GIPC2: variants seen among roughly 807,000 people sequenced by gnomAD.
GIPC2 encodes GIPC PDZ domain containing family member 2, also known as PDZ domain-containing protein GIPC2.
In GIPC2, 30 loss-of-function variants were observed where a neutral mutation model predicts 30.6. That is an observed-to-expected ratio of 0.98 (90% CI 0.73 to 1.33). GIPC2 has a LOEUF of 1.33. GIPC2 is among the 40% of genes most tolerant of loss of function. The probability of loss-of-function intolerance (pLI) is 0.00; values close to 1 mark genes in which losing one functional copy is unlikely to be tolerated. For missense variants in GIPC2, 414 were observed against 390.3 expected (o/e 1.06, Z -0.51); for synonymous variants, 167 against 150.0 (o/e 1.11, Z -0.83).
intron 1 of GIPC2, among the ~76,000 whole-genome samples, chr1:78,063,899 CA>C (rs763084989): frequency 0.18 from 11,357 of 63,178 alleles, 555 homozygotes; most frequent in African/African-American, 0.32. Context: ...CTCAAAAAGA[CA>C]AAAAAAAAAA....
rs373015488 is a variant in GIPC2 at position 78,046,114 on chromosome 1, GGAA to G, written c.28_30del (p.Lys10del). On this transcript the variant is annotated inframe_deletion, in exon 1 of 6. Transcript: ENST00000370759. ...TGCAAGATGCCCCTGAAGCTGCGGG[GGAA>G]GAAGAAGGCCAAGTCCAAGGAGACC... 1.7e-4 allele frequency: 249 copies of G among 1,482,868 alleles called. 1 individual carries two copies. The highest frequency in any genetic ancestry group is 1.6e-3 in the African/African-American group (111 of 67,628). 91.9% of individuals were successfully genotyped at this position (1,482,868 alleles called of 1,614,324 possible). A position where few individuals can be genotyped will look rare whatever the true frequency, so the allele number is the denominator to read the frequency against.
At chr1:78,103,334 C>T (rs1662285316) in intron 3 of GIPC2, among the ~76,000 whole-genome samples, 1 of 152,202 alleles carries the variant, frequency 6.6e-6, no homozygotes, top group Non-Finnish European at 1.5e-5. Context: ...CCTATCTTTG[C>T]TGCTTTTAAA....
intron 1 of GIPC2, among the ~76,000 whole-genome samples, chr1:78,062,188 A>G (rs1661406521): frequency 6.6e-6 from 1 of 152,186 alleles, no homozygotes; most frequent in Non-Finnish European, 1.5e-5. Context: ...TATTCTTAAA[A>G]CAGGTTACAT....
intron 5 of GIPC2, among the ~76,000 whole-genome samples, chr1:78,126,968 C>T (rs1477588357): frequency 2.0e-5 from 3 of 152,114 alleles, no homozygotes; most frequent in Non-Finnish European, 4.4e-5. Flanking sequence ...GTGAAAAAGG[C>T]CTGACCCTTC....
chr1:78,102,548 T>TA (rs1397858504), intron 3 of GIPC2, among the ~76,000 whole-genome samples: 7 of 152,358 alleles, frequency 4.6e-5, no homozygotes, highest in Non-Finnish European at 1.0e-4. Context: ...TGAAAAAAGT[T>TA]ACAAAAGAGA....
intron 3 of GIPC2, chr1:78,112,418 A>C: frequency 1.9e-6 from 1 of 518,952 alleles, no homozygotes; most frequent in Non-Finnish European, 3.8e-6. Context: ...CCCTCTGGGC[A>C]TCTTTGGGCT....
intron 3 of GIPC2, among the ~76,000 whole-genome samples, chr1:78,118,476 A>C (rs1662613944): frequency 6.6e-6 from 1 of 151,136 alleles, no homozygotes; most frequent in African/African-American, 2.4e-5. Flanking sequence ...CTTCCCTTTC[A>C]CTCATTTATG....
At chr1:78,126,229 T>C (rs1173464477) in intron 5 of GIPC2, among the ~76,000 whole-genome samples, 2 of 152,182 alleles carry the variant, frequency 1.3e-5, no homozygotes, top group East Asian at 1.9e-4. Context: ...TGTTGTTTGT[T>C]TGGATTTAAA....
At chr1:78,088,916 C>T (rs910433083) in intron 2 of GIPC2, 6 of 151,518 alleles carry the variant, frequency 4.0e-5, no homozygotes, top group African/African-American at 1.5e-4. Flanking sequence ...CATTACTTTT[C>T]CACACTCCTT....
intron 1 of GIPC2, among the ~76,000 whole-genome samples, chr1:78,069,591 A>C (rs1289459392): frequency 6.7e-6 from 1 of 150,092 alleles, no homozygotes; most frequent in African/African-American, 2.5e-5. Flanking sequence ...CTCATACCTC[A>C]GCCTCCTGAG....
intron 2 of GIPC2, among the ~76,000 whole-genome samples, chr1:78,090,263 T>C (rs1026410916): frequency 2.0e-5 from 3 of 152,172 alleles, no homozygotes; most frequent in South Asian, 4.1e-4. Flanking sequence ...GGTGTGGTCT[T>C]GGCTCACTGC....
chr1:78,118,994 CT>C (rs1662627296), intron 3 of GIPC2, among the ~76,000 whole-genome samples: 1 of 147,120 alleles, frequency 6.8e-6, no homozygotes, highest in Admixed American at 6.8e-5. Context: ...TTTTTTGTTT[CT>C]TCTTTTTCTA....
intron 2 of GIPC2, among the ~76,000 whole-genome samples, chr1:78,086,564 C>G (rs183692758): frequency 3.9e-5 from 6 of 152,264 alleles, no homozygotes; most frequent in Non-Finnish European, 7.4e-5. Context: ...GTCTGTGTCT[C>G]TTTGTAGGTC....
At chr1:78,098,489 A>G (rs373317142) in intron 3 of GIPC2, among the ~76,000 whole-genome samples, 33 of 152,286 alleles carry the variant, frequency 2.2e-4, no homozygotes, top group African/African-American at 6.0e-4. Context: ...ATTATTTTTA[A>G]ATTATCTATC....
chr1:78,048,308 C>G (rs999680390), intron 1 of GIPC2, among the ~76,000 whole-genome samples: 1 of 151,986 alleles, frequency 6.6e-6, no homozygotes, highest in Non-Finnish European at 1.5e-5. Context: ...TATTAATATC[C>G]CCACTTCACA....
intron 2 of GIPC2, among the ~76,000 whole-genome samples, chr1:78,086,496 A>G (rs920152347): frequency 6.6e-6 from 1 of 152,054 alleles, no homozygotes; most frequent in African/African-American, 2.4e-5. Flanking sequence ...TTCTACCTCA[A>G]TGATCTGTCT....
intron 4 of GIPC2, among the ~76,000 whole-genome samples, chr1:78,121,362 G>C (rs997941496): frequency 6.6e-6 from 1 of 152,154 alleles, no homozygotes; most frequent in Non-Finnish European, 1.5e-5. Flanking sequence ...GGGTCTCTCT[G>C]TATGTGAATG....
intron 3 of GIPC2, among the ~76,000 whole-genome samples, chr1:78,117,820 G>T (rs1474215677): frequency 1.3e-5 from 2 of 152,108 alleles, no homozygotes; most frequent in Non-Finnish European, 2.9e-5. Context: ...GATCTCTTTT[G>T]TTTTTGCCAA....
intron 5 of GIPC2, among the ~76,000 whole-genome samples, chr1:78,128,963 C>A (rs1662837437): frequency 6.6e-6 from 1 of 151,340 alleles, no homozygotes; most frequent in South Asian, 2.1e-4. Context: ...TAGGATGGCG[C>A]CACTGCACTT....
Sources: gnomAD v4.1 joint callset for allele counts (sites outside exome capture counted in the v4.1 genomes callset) on GRCh38, gnomAD v4.1.1 for gene constraint, MANE v1.5 for transcripts, NCBI Gene and HGNC (gene_info 2026-07-23, HGNC 2026-07-21) for gene names.